Variants in ANKRD33 observed in about 807,000 individuals in gnomAD.
ANKRD33 encodes the protein photoreceptor ankyrin repeat protein.
A neutral mutation model predicts 20.6 loss-of-function variants in ANKRD33; 20 were observed. The ratio of observed to expected loss-of-function variants is 0.97; its 90% confidence interval spans 0.68 to 1.41. ANKRD33 has a LOEUF of 1.41. Among genes scored for constraint, ANKRD33 ranks in the 40% most tolerant of loss-of-function variants. The pLI is 0.00. For missense variants in ANKRD33, 545 were observed against 579.6 expected (o/e 0.94, Z 0.61); for synonymous variants, 246 against 245.0 (o/e 1.00, Z -0.04).
At chr12:51,889,302 G>A in intron 3 of ANKRD33, 70 bp from the exon 4 acceptor site, 1 of 1,606,578 alleles carries the variant, frequency 6.2e-7, no homozygotes, top group Non-Finnish European at 8.5e-7. Flanking sequence ...TGTCATGCTG[G>A]GTGGAGGGCG....
chr12:51,888,104 A>C lies in ANKRD33; in HGVS notation c.-83A>C. On this transcript the variant is annotated 5_prime_UTR_variant, in exon 1 of 5. Transcript: ENST00000301190. ...TGGGGCTGGTCTGAGTCCGCTCCTG[A>C]GACGTGACCACCCGCCCCGCATGGG... 6.6e-7 allele frequency: 1 copy of C among 1,511,002 alleles called. No individual in the cohort carries two copies. The highest frequency in any genetic ancestry group is 9.0e-7 in the Non-Finnish European group (1 of 1,105,864). 93.6% of individuals were successfully genotyped at this position (1,511,002 alleles called of 1,614,324 possible).
Position 51,891,234 on chromosome 12 carries a change from C to T in ANKRD33, c.1288C>T (p.Leu430Phe), listed in dbSNP as rs1182801664. The part of the protein sequence containing the change: ...PSGHQSLALP[L>F]WRYQELRIEK... ...AGGACACCAAAGTCTGGCCCTTCCT[C>T]TCTGGCGATACCAGGAGCTCAGGAT... Residue 430 changes from leucine (L) to phenylalanine (F), a missense_variant, in exon 5 of 5, where the codon CTC (leucine) becomes TTC (phenylalanine). Leu to Phe is a conservative substitution (Grantham distance 22). Transcript: ENST00000301190. 9 of 1,614,124 alleles carry T rather than the reference C, an allele frequency of 5.6e-6. No homozygotes were observed. The Admixed American group carries it at 1.5e-4, about 27-fold the overall frequency.
In ANKRD33 at chr12:51,888,153, C is replaced by T. The variant is rs1940283641; in HGVS notation, c.-34C>T. 2 of 1,607,792 alleles carry T rather than the reference C, an allele frequency of 1.2e-6. No individual in the cohort carries two copies. The highest frequency in any genetic ancestry group is 3.4e-5 in the Admixed American group (2 of 58,452). The stretch of plus-strand genomic sequence containing the variant: ...GGGCCCCAGTCCCAGCTGCTTGATC[C>T]GGCTCAGCCCCGAGGTGTTTGCAGC... On this transcript the variant is annotated 5_prime_UTR_variant, in exon 1 of 5. Coordinates refer to ENST00000301190, the MANE Select transcript of ANKRD33 (RefSeq NM_182608.4).
chr12:51,890,343 C>T, intron 4 of ANKRD33: 1 of 994,694 alleles, frequency 1.0e-6, no homozygotes, highest in South Asian at 1.4e-5. Flanking sequence ...GATCCCTATT[C>T]TGCCCTAGGT....
chr12:51,891,028 G>A lies in ANKRD33; in HGVS notation c.1082G>A (p.Gly361Glu), dbSNP rs906737970. 1 of 1,613,950 alleles carries A rather than the reference G, an allele frequency of 6.2e-7. No individual in the cohort carries two copies. Among genetic ancestry groups the A allele is most frequent in the African/African-American group, 1.3e-5 (1 of 75,042 alleles). ...CCCCTGGTTCCCCAGTCCCCGCCAG[G>A]GAGTCCCCAGAGGTCCCCGTGGGTC... ...PPPLVPQSPP[G>E]SPQRSPWVFV... Residue 361 changes from glycine (G) to glutamate (E), a missense_variant, in exon 5 of 5, where the codon GGG (glycine) becomes GAG (glutamate). Gly to Glu is a moderately conservative substitution (Grantham distance 98). Coordinates refer to ENST00000301190, the MANE Select transcript of ANKRD33 (RefSeq NM_182608.4).
In ANKRD33 at chr12:51,889,174, C is replaced by G. The variant is rs144680004; in HGVS notation, c.504C>G (p.Ala168=). Residue 168 remains alanine, a synonymous_variant, in exon 3 of 5, where the codon GCC becomes GCG. Transcript: ENST00000301190. ...VNQQDKGGDT[A]LMLAAQAGHV... ...AGCAGGACAAAGGAGGGGACACGGCCCTCATGTTGGCTGCCCAAGCAGGTG... is the reference window on the plus strand; with the variant it reads ...AGCAGGACAAAGGAGGGGACACGGCGCTCATGTTGGCTGCCCAAGCAGGTG... 139 of 1,614,076 alleles carry G rather than the reference C, an allele frequency of 8.6e-5. No individual in the cohort carries two copies. In the African/African-American group the frequency reaches 1.8e-3, roughly 21 times the overall value.
At chr12:51,889,686 C>A (rs542485414) in intron 4 of ANKRD33, 58 of 973,108 alleles carry the variant, frequency 6.0e-5, no homozygotes, top group Non-Finnish European at 8.5e-5. Context: ...TACAATCAAC[C>A]AAGTCCTGCT....
chr12:51,889,958 C>A (rs1001367417), intron 4 of ANKRD33: 5 of 219,794 alleles, frequency 2.3e-5, no homozygotes, highest in Non-Finnish European at 4.6e-5. Flanking sequence ...TGGGGTCGTT[C>A]AGGGGGAGGT....
rs751233923 is a variant in ANKRD33, at chr12:51,889,480, G to A, written c.635G>A (p.Arg212His). ...TALMKAAMRN[R>H]CADLTAVDPV... ...TTAATGAAGGCTGCCATGCGGAACC[G>A]CTGTGAGTGCGTGGCCACCCTCCTC... The change falls in exon 4 of 5, where the codon CGC becomes CAC. Residue 212 changes from arginine to histidine, a missense_variant and splice_region_variant. Coordinates refer to ENST00000301190, the MANE Select transcript of ANKRD33 (RefSeq NM_182608.4). The A allele has an allele frequency of 2.7e-5, 44 of 1,613,666 alleles. No homozygotes were observed. Among genetic ancestry groups the A allele is most frequent in the Non-Finnish European group, 3.6e-5 (42 of 1,179,948 alleles).
At chr12:51,890,189 G>C in intron 4 of ANKRD33, 1 of 375,354 alleles carries the variant, frequency 2.7e-6, no homozygotes, top group East Asian at 6.2e-5. Context: ...CCCAAGATGG[G>C]AGAGGGAGAT....
rs1199958598 is a variant in ANKRD33, at chr12:51,889,087, C to G, written c.417C>G (p.Cys139Trp). Residue 139 changes from cysteine to tryptophan, a missense_variant, in exon 3 of 5, where the codon TGC (cysteine) becomes TGG (tryptophan). Coordinates refer to ENST00000301190, the MANE Select transcript of ANKRD33 (RefSeq NM_182608.4). ...SNGRTGLMVACYHGFQSVVAL... is the reference protein window; with the variant it reads ...SNGRTGLMVAWYHGFQSVVAL... ...CTCAGACAGGCCTCATGGTCGCATG[C>G]TACCACGGCTTCCAGAGTGTTGTGG... is the stretch of plus-strand genomic sequence containing the variant. 6.2e-7 allele frequency: 1 copy of G among 1,614,066 alleles called. No homozygotes were observed.
intron 1 of ANKRD33, 53 bp from the exon 2 acceptor site, chr12:51,888,515 C>T: frequency 6.4e-7 from 1 of 1,551,428 alleles, no homozygotes; most frequent in Admixed American, 2.1e-5. Flanking sequence ...TGCTGGGTCC[C>T]CTCCCTAGGA....
Position 51,891,130 on chromosome 12 carries a change from C to G in ANKRD33, c.1184C>G (p.Pro395Arg), listed in dbSNP as rs138941706. The G allele has an allele frequency of 9.8e-5, 158 of 1,614,226 alleles. No individual in the cohort carries two copies. The African/African-American group carries it at 1.8e-3, about 19-fold the overall frequency. ...CTACAACCCAGGGATAGCACCAGCC[C>G]CAGGCCCCAAGTCCCCAAGATCCTC... ...QWLQPRDSTS[P>R]RPQVPKILLS... The change falls in exon 5 of 5, where the codon CCC (proline) becomes CGC (arginine). Residue 395 changes from proline (P) to arginine (R), a missense_variant. By Grantham distance (103) the Pro-to-Arg change is moderately radical (BLOSUM62 -2). Transcript: ENST00000301190.
Position 51,888,203 on chromosome 12 carries a change from C to T in ANKRD33, c.17C>T (p.Ser6Phe). ...CAGCTCTTTATGAAAGTCCAGCCAT[C>T]TGTTACCTGCGTTGCTTCCTGGGGA... The part of the protein sequence containing the change: MKVQP[S>F]VTCVASWGGI... Residue 6 changes from serine to phenylalanine, a missense_variant, in exon 1 of 5, where the codon TCT becomes TTT. Coordinates refer to ENST00000301190, the MANE Select transcript of ANKRD33 (RefSeq NM_182608.4). The T allele has an allele frequency of 6.2e-7, 1 of 1,614,136 alleles. No homozygotes were observed. Among genetic ancestry groups the T allele is most frequent in the Non-Finnish European group, 8.5e-7 (1 of 1,180,010 alleles).
intron 2 of ANKRD33, 69 bp downstream of exon 2, chr12:51,888,887 G>A (rs1940311476): frequency 6.2e-7 from 1 of 1,600,888 alleles, no homozygotes; most frequent in Non-Finnish European, 8.5e-7. Flanking sequence ...TCCTGGCCTG[G>A]CTCCCTGAGA....
At chr12:51,890,165 G>T (rs983412776) in intron 4 of ANKRD33, 1 of 356,456 alleles carries the variant, frequency 2.8e-6, no homozygotes, top group Non-Finnish European at 5.5e-6. Flanking sequence ...TAGAGTGACT[G>T]CTCCTCCCAC....
intron 4 of ANKRD33, chr12:51,890,321 T>C: frequency 6.1e-6 from 5 of 822,672 alleles, no homozygotes; most frequent in Non-Finnish European, 9.7e-6. Flanking sequence ...GCTCAGCTCC[T>C]TGGATTGAGG....
intron 3 of ANKRD33, 34 bp from the exon 4 acceptor site, chr12:51,889,338 C>T (rs764553468): frequency 8.7e-5 from 140 of 1,610,402 alleles, no homozygotes; most frequent in Non-Finnish European, 1.2e-4. Flanking sequence ...CACCCCCTTT[C>T]CTGGGGACCA....
At position 51,890,601 on chromosome 12, in the gene ANKRD33, G is replaced by C; in HGVS notation, c.655G>C (p.Val219Leu). Residue 219 changes from valine to leucine, a missense_variant, in exon 5 of 5, where the codon GTG (valine) becomes CTG (leucine). Transcript: ENST00000301190. ...CTTCCCAGGTGCTGACCTGACAGCAGTGGACCCTGTTCGGGGCAAGACGGC... is the reference window on the plus strand; with the variant it reads ...CTTCCCAGGTGCTGACCTGACAGCACTGGACCCTGTTCGGGGCAAGACGGC... ...MRNRCADLTA[V>L]DPVRGKTALE... 3.1e-6 allele frequency: 5 copies of C among 1,610,908 alleles called. No homozygotes were observed. The highest frequency in any genetic ancestry group is 4.2e-6 in the Non-Finnish European group (5 of 1,179,866).
Sources: gnomAD v4.1 joint callset for allele counts on GRCh38, gnomAD v4.1.1 for gene constraint, MANE v1.5 for transcripts, NCBI Gene and HGNC (gene_info 2026-07-23, HGNC 2026-07-21) for gene names.